EDA: variants seen among roughly 807,000 people sequenced by gnomAD.
The protein encoded by EDA is ectodysplasin-A.
A neutral mutation model predicts 23.6 loss-of-function variants in EDA; 2 were observed. That is an observed-to-expected ratio of 0.08 (90% CI 0.03 to 0.27). The LOEUF is 0.27. EDA is among the 10% of genes least tolerant of loss of function. The probability of loss-of-function intolerance (pLI) is 1.00; values close to 1 mark genes in which losing one functional copy is unlikely to be tolerated. For synonymous variants in EDA, 131 were observed against 132.0 expected, an observed-to-expected ratio of 0.99 and a Z score of 0.05; for missense variants, 229 against 324.2, an observed-to-expected ratio of 0.71 and a Z score of 2.26.
At chrX:69,629,237 C>T (rs895922806) in intron 1 of EDA, among the ~76,000 whole-genome samples, 4 of 111,721 alleles carry the variant, frequency 3.6e-5, no homozygotes, top group East Asian at 2.8e-4. Flanking sequence ...TACCTGTTCC[C>T]CCGAAGAAGA....
intron 1 of EDA, among the ~76,000 whole-genome samples, chrX:69,681,205 G>A (rs1181698742): frequency 1.8e-5 from 2 of 111,139 alleles, no homozygotes; most frequent in Admixed American, 1.9e-4. Flanking sequence ...TTAGTCTGAT[G>A]GGCTTCCCTT....
intron 1 of EDA, among the ~76,000 whole-genome samples, chrX:69,800,415 A>C (rs753830626): frequency 8.9e-6 from 1 of 111,850 alleles, no homozygotes; most frequent in Admixed American, 9.5e-5. Flanking sequence ...AGAAATGATT[A>C]ATACATGGGT....
At chrX:69,779,218 T>G (rs767077566) in intron 1 of EDA, among the ~76,000 whole-genome samples, 2 of 111,744 alleles carry the variant, frequency 1.8e-5, no homozygotes, top group Admixed American at 1.9e-4. Flanking sequence ...GAACAAGTAC[T>G]TGTACACAAA....
At chrX:69,977,797 C>T (rs963158349) in intron 2 of EDA, among the ~76,000 whole-genome samples, 3 of 112,045 alleles carry the variant, frequency 2.7e-5, no homozygotes, top group Non-Finnish European at 5.6e-5. Context: ...GTTGGAAATA[C>T]ATCTGGAATT....
At position 69,802,679 on chromosome X, in the gene EDA, G is replaced by A. The variant is rs1020714621; in HGVS notation, c.397-154348G>A. ...GCAAGTCACTTTTCCAGAGAAAATT[G>A]GAACAGCTTTTATGACACCAGAAGT... On this transcript the variant is annotated intron_variant, in intron 1 of 7. Coordinates refer to ENST00000374552, the MANE Select transcript of EDA (RefSeq NM_001399.5). Among the ~76,000 whole-genome samples, 4 of 110,994 alleles carry A rather than the reference G, an allele frequency of 3.6e-5. No individual in the cohort carries two copies. In the East Asian group the frequency reaches 1.1e-3, roughly 31 times the overall value.
chrX:69,772,191 C>T (rs187035577), intron 1 of EDA, among the ~76,000 whole-genome samples: 2 of 111,672 alleles, frequency 1.8e-5, no homozygotes, highest in East Asian at 5.6e-4. Context: ...AACTCCTGGG[C>T]TGAAGCAATC....
intron 1 of EDA, among the ~76,000 whole-genome samples, chrX:69,631,889 C>T: frequency 9.0e-6 from 1 of 111,480 alleles, no homozygotes; most frequent in Admixed American, 9.5e-5. Flanking sequence ...GCAGCATCAG[C>T]AAAGACTTGG....
At position 70,015,208 on chromosome X, in the gene EDA, A is replaced by G. The variant is rs138894047; in HGVS notation, c.503-8010A>G. Among the ~76,000 whole-genome samples, 696 of 112,100 alleles carry G rather than the reference A, an allele frequency of 6.2e-3. 3 individuals are homozygous for G. The highest frequency in any genetic ancestry group is 0.021 in the African/African-American group (663 of 30,851). On this transcript the variant is annotated intron_variant, in intron 2 of 7. Transcript: ENST00000374552. The stretch of plus-strand genomic sequence containing the variant: ...CCTACAAAGGTAACCCCATCAGGCT[A>G]ACAGTGGACCTTTCAGCAGAAACCC...
intron 1 of EDA, among the ~76,000 whole-genome samples, chrX:69,870,231 A>G (rs900648664): frequency 1.3e-4 from 15 of 111,835 alleles, no homozygotes; most frequent in Non-Finnish European, 2.8e-4. Flanking sequence ...GCCCAAATCA[A>G]TAAATTCAGC....
At chrX:69,725,135 G>A (rs1018458879) in intron 1 of EDA, among the ~76,000 whole-genome samples, 1 of 111,867 alleles carries the variant, frequency 8.9e-6, no homozygotes, top group Non-Finnish European at 1.9e-5. Context: ...CTGACTGAAC[G>A]TGTGGTGGAT....
chrX:69,879,793 T>A (rs2017715578), intron 1 of EDA, among the ~76,000 whole-genome samples: 1 of 111,808 alleles, frequency 8.9e-6, no homozygotes, highest in African/African-American at 3.3e-5. Flanking sequence ...CCTCTGTGCC[T>A]GTGTAGCCTC....
At chrX:69,823,625 A>C (rs1340608821) in intron 1 of EDA, among the ~76,000 whole-genome samples, 11 of 89,782 alleles carry the variant, frequency 1.2e-4, no homozygotes, top group Non-Finnish European at 2.1e-4. Flanking sequence ...AGGTTGCGAA[A>C]ATTTTCTCCC....
At chrX:69,883,302 A>G (rs892759230) in intron 1 of EDA, among the ~76,000 whole-genome samples, 2 of 111,690 alleles carry the variant, frequency 1.8e-5, no homozygotes. Context: ...AGTTGACCTG[A>G]CAATGTTGTT....
chrX:69,679,223 C>G (rs1368994514), intron 1 of EDA, among the ~76,000 whole-genome samples: 1 of 106,800 alleles, frequency 9.4e-6, no homozygotes, highest in African/African-American at 3.4e-5. Flanking sequence ...ATTCGGTTTG[C>G]CAGTATTTTA....
At chrX:69,993,999 T>C (rs2019624370) in intron 2 of EDA, among the ~76,000 whole-genome samples, 1 of 112,041 alleles carries the variant, frequency 8.9e-6, no homozygotes, top group South Asian at 3.8e-4. Context: ...AGGAACCAAA[T>C]GTAACGCTGA....
At chrX:69,894,858 A>T (rs1346915279) in intron 1 of EDA, among the ~76,000 whole-genome samples, 2 of 111,667 alleles carry the variant, frequency 1.8e-5, no homozygotes, top group Non-Finnish European at 3.8e-5. Context: ...GCAAACAGAG[A>T]TAGTTTGACT....
intron 1 of EDA, among the ~76,000 whole-genome samples, chrX:69,715,064 A>ATTTTTTTT (rs60745776): frequency 2.5e-5 from 2 of 80,157 alleles, no homozygotes; most frequent in African/African-American, 4.5e-5. Context: ...CTTTCAACCC[A>ATTTTTTTT]TTTTTTTTTT....
chrX:69,905,335 G>A (rs754072772), intron 1 of EDA, among the ~76,000 whole-genome samples: 1 of 111,688 alleles, frequency 9.0e-6, no homozygotes, highest in Admixed American at 9.5e-5. Context: ...CTCAACACTG[G>A]GAATATAAGA....
chrX:69,635,805 T>C (rs1932763025), intron 1 of EDA, among the ~76,000 whole-genome samples: 1 of 109,889 alleles, frequency 9.1e-6, no homozygotes, highest in African/African-American at 3.3e-5. Context: ...CTGACCTCGC[T>C]AACACCAAAT....
Sources: gnomAD v4.1 joint callset for allele counts (sites outside exome capture counted in the v4.1 genomes callset) on GRCh38, gnomAD v4.1.1 for gene constraint, MANE v1.5 for transcripts, NCBI Gene and HGNC (gene_info 2026-07-23, HGNC 2026-07-21) for gene names.